Variants in RGS6 observed in about 807,000 individuals in gnomAD.
The protein encoded by RGS6 is regulator of G-protein signaling 6.
Under a neutral mutation model 78.5 loss-of-function variants are expected in RGS6, and 30 were observed. The observed-to-expected ratio is 0.38, with a 90% CI of 0.29 to 0.52. The LOEUF (loss-of-function observed/expected upper bound fraction) is 0.52, where lower values mean the gene tolerates loss of function less well. Ranked by LOEUF, RGS6 falls within the 20% of genes least tolerant of loss-of-function variation. RGS6 has a pLI of 0.85. For synonymous variants in RGS6, 206 were observed against 206.0 expected (o/e 1.00, Z 0.00); for missense variants, 495 against 609.7 (o/e 0.81, Z 1.98).
intron 2 of RGS6, among the ~76,000 whole-genome samples, chr14:72,235,607 C>T (rs763883040): frequency 1.3e-5 from 2 of 152,182 alleles, no homozygotes; most frequent in Non-Finnish European, 2.9e-5. Flanking sequence ...TGGTAGCAGC[C>T]ACCTGAATTT....
intron 2 of RGS6, among the ~76,000 whole-genome samples, chr14:72,063,490 T>G (rs1403793711): frequency 1.3e-5 from 2 of 152,024 alleles, no homozygotes; most frequent in African/African-American, 4.8e-5. Flanking sequence ...GAATAAGAGA[T>G]GAGGAAATAA....
intron 2 of RGS6, among the ~76,000 whole-genome samples, chr14:72,228,715 G>A (rs2048774181): frequency 1.3e-5 from 2 of 152,158 alleles, no homozygotes; most frequent in Admixed American, 1.3e-4. Context: ...CAAAGAGGTA[G>A]CGTGGGGAGA....
At position 72,053,050 on chromosome 14, in the gene RGS6, TCCC is replaced by T. The variant is rs1483648373; in HGVS notation, c.84+88176_84+88178del. Among the ~76,000 whole-genome samples, 23 of 3,650 alleles carry T rather than the reference TCCC, an allele frequency of 6.3e-3. 1 individual carries two copies. In the South Asian group the frequency reaches 0.13, roughly 21 times the overall value. The allele number at this position is 3,650 out of a possible 152,430, so 2.4% of individuals were successfully genotyped here. On this transcript the variant is annotated intron_variant, in intron 2 of 17. Coordinates refer to ENST00000553525, the MANE Select transcript of RGS6 (RefSeq NM_001204424.2). The stretch of plus-strand genomic sequence containing the variant: ...CTTTCCCCCTCCCTCCCTCCCTCCC[TCCC>T]TCCCTCCCTCCCTCCCTCCCTCCCT...
chr14:72,624,563 G>T, the RGS6 span, among the ~76,000 whole-genome samples: 1,031 of 152,032 alleles, frequency 6.8e-3, 13 homozygotes, highest in African/African-American at 0.024. Flanking sequence ...GTTCTCCAGC[G>T]CCTGACCTCA....
intron 2 of RGS6, among the ~76,000 whole-genome samples, chr14:72,168,209 C>T (rs1246403079): frequency 6.6e-6 from 1 of 152,290 alleles, no homozygotes; most frequent in African/African-American, 2.4e-5. Flanking sequence ...CCCTTTCATG[C>T]AGCACCTGGT....
intron 2 of RGS6, among the ~76,000 whole-genome samples, chr14:72,322,098 A>G (rs2072244763): frequency 6.6e-6 from 1 of 152,056 alleles, no homozygotes; most frequent in Non-Finnish European, 1.5e-5. Context: ...TGTATACGTA[A>G]GTACTTAAAT....
At chr14:72,550,559 C>G in intron 17 of RGS6, 1 of 1,535,612 alleles carries the variant, frequency 6.5e-7, no homozygotes, top group East Asian at 2.4e-5. Context: ...TTAACCCAAC[C>G]TTGTAATCTT....
At chr14:72,329,663 G>C (rs2152563938) in intron 2 of RGS6, among the ~76,000 whole-genome samples, 1 of 152,364 alleles carries the variant, frequency 6.6e-6, no homozygotes, top group African/African-American at 2.4e-5. Flanking sequence ...GTTCATTTAA[G>C]CGTCAAGATC....
intron 2 of RGS6, among the ~76,000 whole-genome samples, chr14:72,091,582 G>A (rs1402501470): frequency 6.6e-6 from 1 of 152,160 alleles, no homozygotes; most frequent in African/African-American, 2.4e-5. Flanking sequence ...AATCCATGTA[G>A]TATGACCCTA....
the RGS6 span, among the ~76,000 whole-genome samples, chr14:72,598,835 C>T: frequency 6.6e-6 from 1 of 152,232 alleles, no homozygotes; most frequent in African/African-American, 2.4e-5. Context: ...ATTCCTTCTC[C>T]CCTTCTAGGA....
intron 2 of RGS6, among the ~76,000 whole-genome samples, chr14:72,180,720 G>A (rs563115612): frequency 1.9e-4 from 29 of 152,298 alleles, no homozygotes; most frequent in African/African-American, 7.0e-4. Flanking sequence ...TGAGACGTGG[G>A]GCCCTTGGGA....
chr14:72,547,411 T>C, intron 17 of RGS6: 1 of 1,140,912 alleles, frequency 8.8e-7, no homozygotes, highest in Non-Finnish European at 1.2e-6. Context: ...CAAAATGAGC[T>C]CCTGGTGGAA....
At chr14:72,370,161 A>AG (rs902771949) in intron 3 of RGS6, among the ~76,000 whole-genome samples, 2 of 151,966 alleles carry the variant, frequency 1.3e-5, no homozygotes, top group Admixed American at 1.3e-4. Flanking sequence ...AAAAAAAAAA[A>AG]AAATTCACTT....
chr14:72,058,742 T>G (rs1321360713), intron 2 of RGS6, among the ~76,000 whole-genome samples: 2 of 152,196 alleles, frequency 1.3e-5, no homozygotes, highest in Non-Finnish European at 2.9e-5. Flanking sequence ...GACTATGTGA[T>G]GTTGTGTCAA....
intron 1 of RGS6, among the ~76,000 whole-genome samples, chr14:71,940,019 C>T (rs2090252970): frequency 6.6e-6 from 1 of 152,168 alleles, no homozygotes; most frequent in South Asian, 2.1e-4. Context: ...CATTCTGGCC[C>T]TGGGGAAATG....
chr14:72,294,040 G>C (rs544895609), intron 2 of RGS6, among the ~76,000 whole-genome samples: 1 of 152,332 alleles, frequency 6.6e-6, no homozygotes, highest in African/African-American at 2.4e-5. Context: ...AAGGGGGCAA[G>C]TGGGACCTGA....
intron 16 of RGS6, among the ~76,000 whole-genome samples, chr14:72,539,577 C>T (rs983823382): frequency 6.6e-6 from 1 of 152,224 alleles, no homozygotes; most frequent in African/African-American, 2.4e-5. Flanking sequence ...CCTGACGTCC[C>T]TCCCACACCC....
intron 3 of RGS6, among the ~76,000 whole-genome samples, chr14:72,425,563 A>G (rs2094400323): frequency 6.6e-6 from 1 of 152,242 alleles, no homozygotes; most frequent in South Asian, 2.1e-4. Flanking sequence ...TGGCCAATAA[A>G]TGTATTAGAA....
intron 2 of RGS6, among the ~76,000 whole-genome samples, chr14:72,298,394 T>TGTGTTTG (rs1324754469): frequency 6.6e-6 from 1 of 151,492 alleles, no homozygotes; most frequent in Non-Finnish European, 1.5e-5. Context: ...TAATGATTTT[T>TGTGTTTG]GTGTTTGTGT....
Sources: gnomAD v4.1 joint callset for allele counts (sites outside exome capture counted in the v4.1 genomes callset) on GRCh38, gnomAD v4.1.1 for gene constraint, MANE v1.5 for transcripts, NCBI Gene and HGNC (gene_info 2026-07-23, HGNC 2026-07-21) for gene names.